The following ST6GALNAC5 variants were observed in gnomAD, a reference collection of about 807,000 sequenced individuals.
The protein encoded by ST6GALNAC5 is ST6 N-acetylgalactosaminide alpha-2,6-sialyltransferase 5, also known as alpha-N-acetylgalactosaminide alpha-2,6-sialyltransferase 5.
ST6GALNAC5 carries 27 observed loss-of-function variants against 33.6 expected under a neutral mutation model. That is an observed-to-expected ratio of 0.80 (90% CI 0.59 to 1.11). The LOEUF is 1.11. Among genes scored for constraint, ST6GALNAC5 ranks in the 50% least tolerant of loss-of-function variants. The probability of loss-of-function intolerance (pLI) is 0.00; values close to 1 mark genes in which losing one functional copy is unlikely to be tolerated. For synonymous variants in ST6GALNAC5, 194 were observed against 171.2 expected (o/e 1.13, Z -1.04); for missense variants, 428 against 454.0 (o/e 0.94, Z 0.52).
In ST6GALNAC5 at chr1:76,879,223, A is replaced by G. The variant is rs1245193191; in HGVS notation, c.261+10481A>G. 6.6e-5 allele frequency among the ~76,000 whole-genome samples: 10 copies of G among 152,154 alleles called. No homozygotes were observed. The East Asian group carries it at 1.7e-3, about 26-fold the overall frequency. On this transcript the variant is annotated intron_variant, in intron 2 of 4. Transcript: ENST00000477717. ...CCTAAGCCTTTGGGTCCCTTCCTCTACATTAAACCAGGGGAGACCAGGCAT... is the reference window on the plus strand; with the variant it reads ...CCTAAGCCTTTGGGTCCCTTCCTCTGCATTAAACCAGGGGAGACCAGGCAT...
At chr1:77,043,418 G>A (rs751100202) in intron 2 of ST6GALNAC5, among the ~76,000 whole-genome samples, 34 of 152,202 alleles carry the variant, frequency 2.2e-4, no homozygotes, top group African/African-American at 5.8e-4. Flanking sequence ...GCCATGATGC[G>A]TGTTCACTGC....
At chr1:76,908,286 T>C (rs895449589) in intron 2 of ST6GALNAC5, among the ~76,000 whole-genome samples, 3 of 152,066 alleles carry the variant, frequency 2.0e-5, no homozygotes. Flanking sequence ...TGATGTCAGG[T>C]GAAGACCTGT....
chr1:76,915,307 T>C (rs1646958935), intron 2 of ST6GALNAC5, among the ~76,000 whole-genome samples: 1 of 151,848 alleles, frequency 6.6e-6, no homozygotes, highest in Non-Finnish European at 1.5e-5. Context: ...GATCTAGAAC[T>C]AGAAATACCA....
At chr1:76,913,964 CT>C (rs1646941111) in intron 2 of ST6GALNAC5, among the ~76,000 whole-genome samples, 1 of 152,178 alleles carries the variant, frequency 6.6e-6, no homozygotes, top group African/African-American at 2.4e-5. Flanking sequence ...AGCCCAAAAT[CT>C]CCTTAAACTG....
intron 2 of ST6GALNAC5, among the ~76,000 whole-genome samples, chr1:77,015,072 CACACACACACACACAT>C (rs899717599): frequency 1.6e-4 from 21 of 128,078 alleles, no homozygotes; most frequent in African/African-American, 6.8e-4. Flanking sequence ...CACACACACA[CACACACACACACACAT>C]GGAGCTTTAT....
At chr1:77,056,295 TAA>T (rs1358822604) in intron 4 of ST6GALNAC5, among the ~76,000 whole-genome samples, 2 of 152,228 alleles carry the variant, frequency 1.3e-5, no homozygotes, top group Non-Finnish European at 2.9e-5. Flanking sequence ...CTTTCCAAAC[TAA>T]GTTATGCTAA....
intron 2 of ST6GALNAC5, among the ~76,000 whole-genome samples, chr1:77,018,496 A>G (rs1650932830): frequency 6.6e-6 from 1 of 152,132 alleles, no homozygotes; most frequent in African/African-American, 2.4e-5. Context: ...TGGAAAAGCC[A>G]TTTGTGCAAA....
At chr1:76,915,706 G>T (rs1269004) in intron 2 of ST6GALNAC5, among the ~76,000 whole-genome samples, 7 of 148,328 alleles carry the variant, frequency 4.7e-5, no homozygotes, top group African/African-American at 1.3e-4. Context: ...GGTGAGGGGA[G>T]GGGGGAGGGA....
At chr1:77,006,223 C>G (rs1650409975) in intron 2 of ST6GALNAC5, among the ~76,000 whole-genome samples, 1 of 151,752 alleles carries the variant, frequency 6.6e-6, no homozygotes, top group African/African-American at 2.4e-5. Context: ...GGCATGATCA[C>G]AGCTCACTGC....
In ST6GALNAC5 at chr1:76,868,489, G is replaced by T. The variant is rs1026139023; in HGVS notation, c.16-8G>T. 1 of 1,598,556 alleles carries T rather than the reference G, an allele frequency of 6.3e-7. No homozygotes were observed. Reference sequence around the variant, plus strand: ...CGCTCTCCTCTTCTCTCTCCCGCCCGCCCGCAGCGCCATGGTCTGGCAGTG... The same window carrying T: ...CGCTCTCCTCTTCTCTCTCCCGCCCTCCCGCAGCGCCATGGTCTGGCAGTG... On this transcript the variant is annotated splice_polypyrimidine_tract_variant and splice_region_variant and intron_variant, in intron 1 of 4. Transcript: ENST00000477717. This position sits in a 1 kb window ranked among gnomAD's most constrained non-coding sequence, Gnocchi z 4.3.
intron 2 of ST6GALNAC5, among the ~76,000 whole-genome samples, chr1:76,984,848 AG>A (rs1342106906): frequency 1.3e-5 from 2 of 152,244 alleles, no homozygotes; most frequent in African/African-American, 4.8e-5. Flanking sequence ...CTAGCATGCA[AG>A]GCTGTTTCAA....
chr1:76,977,174 GTT>G (rs1263453877), intron 2 of ST6GALNAC5, among the ~76,000 whole-genome samples: 3 of 152,050 alleles, frequency 2.0e-5, no homozygotes, highest in South Asian at 2.1e-4. Context: ...TTACTAATAA[GTT>G]TTTTATTTAT....
chr1:76,973,459 AT>A (rs1438973129), intron 2 of ST6GALNAC5, among the ~76,000 whole-genome samples: 1 of 151,862 alleles, frequency 6.6e-6, no homozygotes, highest in East Asian at 1.9e-4. Context: ...CAGGCAAGTA[AT>A]TGGCCCATCT....
intron 2 of ST6GALNAC5, among the ~76,000 whole-genome samples, chr1:76,983,111 C>G (rs570851952): frequency 6.6e-6 from 1 of 152,136 alleles, no homozygotes; most frequent in South Asian, 2.1e-4. Flanking sequence ...AATTAACAGG[C>G]AAAATAACCA....
chr1:76,981,191 C>A (rs1445782083), intron 2 of ST6GALNAC5, among the ~76,000 whole-genome samples: 2 of 152,168 alleles, frequency 1.3e-5, no homozygotes, highest in Non-Finnish European at 2.9e-5. Flanking sequence ...GCGGGCATCG[C>A]CTCACCAGGG....
intron 2 of ST6GALNAC5, among the ~76,000 whole-genome samples, chr1:76,878,645 C>A (rs571651713): frequency 1.3e-5 from 2 of 152,286 alleles, no homozygotes; most frequent in Admixed American, 1.3e-4. Context: ...CAAGGGGATC[C>A]AGGCTCCCCT....
intron 2 of ST6GALNAC5, among the ~76,000 whole-genome samples, chr1:76,975,431 T>G (rs1648969959): frequency 1.3e-5 from 2 of 152,104 alleles, no homozygotes; most frequent in Admixed American, 6.6e-5. Flanking sequence ...TTGGTGAGAG[T>G]GATATTTTTA....
intron 3 of ST6GALNAC5, among the ~76,000 whole-genome samples, chr1:77,049,726 G>C (rs1173363710): frequency 2.6e-5 from 4 of 152,198 alleles, no homozygotes; most frequent in Non-Finnish European, 5.9e-5. Flanking sequence ...CTTACGGAAA[G>C]ATATTCAATC....
chr1:76,899,022 C>T (rs1646787333), intron 2 of ST6GALNAC5, among the ~76,000 whole-genome samples: 1 of 152,092 alleles, frequency 6.6e-6, no homozygotes, highest in Non-Finnish European at 1.5e-5. Context: ...AATGCCTGGA[C>T]ATCAGGCACC....
Sources: allele counts gnomAD v4.1 joint callset (sites outside exome capture counted in the v4.1 genomes callset), GRCh38; gene constraint gnomAD v4.1.1; non-coding constraint Gnocchi (gnomAD v3.1); transcripts MANE v1.5; gene names NCBI Gene and HGNC (gene_info 2026-07-23, HGNC 2026-07-21).